DPYSL3: variants seen among roughly 807,000 people sequenced by gnomAD.
DPYSL3 encodes the protein dihydropyrimidinase-related protein 3.
A neutral mutation model predicts 66.1 loss-of-function variants in DPYSL3; 16 were observed. That is an observed-to-expected ratio of 0.24 (90% CI 0.16 to 0.37). The LOEUF is 0.37. Among genes scored for constraint, DPYSL3 ranks in the 10% least tolerant of loss-of-function variants. The pLI, the probability that DPYSL3 is intolerant of heterozygous loss-of-function variation, is 1.00. For synonymous variants in DPYSL3, 338 were observed against 345.1 expected, an observed-to-expected ratio of 0.98 and a Z score of 0.23; for missense variants, 738 against 916.2, an observed-to-expected ratio of 0.81 and a Z score of 2.51.
intron 1 of DPYSL3, among the ~76,000 whole-genome samples, chr5:147,450,971 A>T (rs1326130208): frequency 6.6e-6 from 1 of 152,212 alleles, no homozygotes; most frequent in Non-Finnish European, 1.5e-5. Flanking sequence ...TAGATCTTTA[A>T]TCATATTTGC....
chr5:147,494,454 A>G (rs904388200), intron 1 of DPYSL3, among the ~76,000 whole-genome samples: 3 of 152,060 alleles, frequency 2.0e-5, no homozygotes, highest in African/African-American at 7.2e-5. Context: ...CTTCAAAAAG[A>G]TCAATAAAAT....
chr5:147,500,259 T>C (rs1753582569), intron 1 of DPYSL3, among the ~76,000 whole-genome samples: 1 of 152,092 alleles, frequency 6.6e-6, no homozygotes, highest in Admixed American at 6.5e-5. Context: ...TGGGAGAAAA[T>C]ATTTGCAAAA....
chr5:147,508,279 A>C (rs772053735), intron 1 of DPYSL3, among the ~76,000 whole-genome samples: 1 of 152,196 alleles, frequency 6.6e-6, no homozygotes, highest in Non-Finnish European at 1.5e-5. Flanking sequence ...GGTTTGTCTA[A>C]ACTTTCAAAA....
chr5:147,459,458 CCAAA>C (rs1193674894), intron 1 of DPYSL3, among the ~76,000 whole-genome samples: 4 of 152,000 alleles, frequency 2.6e-5, no homozygotes, highest in Non-Finnish European at 1.5e-5. Context: ...TTACCTACAA[CCAAA>C]CAAAGGAAAT....
At chr5:147,457,011 C>T (rs1387884095) in intron 1 of DPYSL3, among the ~76,000 whole-genome samples, 1 of 151,818 alleles carries the variant, frequency 6.6e-6, no homozygotes, top group Non-Finnish European at 1.5e-5. Context: ...ACTGGGTTCT[C>T]TTCCTCACCA....
Position 147,401,716 on chromosome 5 carries a change from G to T in DPYSL3, c.1154-20C>A, listed in dbSNP as rs983705216. On this transcript the variant is annotated intron_variant, in intron 8 of 13. Transcript: ENST00000343218. ...CATTTCCTAGAAGGGGCAGGAAACA[G>T]ACAAGGGGTTAGCATAAAGTATATG... The T allele has an allele frequency of 6.2e-7, 1 of 1,613,710 alleles. No individual in the cohort carries two copies. The highest frequency in any genetic ancestry group is 8.5e-7 in the Non-Finnish European group (1 of 1,179,936).
intron 1 of DPYSL3, among the ~76,000 whole-genome samples, chr5:147,462,226 G>T (rs939287761): frequency 2.0e-5 from 3 of 152,098 alleles, no homozygotes; most frequent in South Asian, 2.1e-4. Flanking sequence ...CACAAAAGAA[G>T]ATCAAAAGCA....
Position 147,509,369 on chromosome 5 carries a change from C to T in DPYSL3, c.381+109G>A. 7.4e-7 allele frequency: 1 copy of T among 1,360,298 alleles called. No homozygotes were observed. The highest frequency in any genetic ancestry group is 9.7e-7 in the Non-Finnish European group (1 of 1,032,996). The allele number at this position is 1,360,298 out of a possible 1,614,324, so 84.3% of individuals were successfully genotyped here. A position where few individuals can be genotyped will look rare whatever the true frequency, so the allele number is the denominator to read the frequency against. ...AGGATGACCCTTTCCTCCTCCTTGT[C>T]CCCCAGCCCCGTGCAAAGTGAGCTG... On this transcript the variant is annotated intron_variant, in intron 1 of 13. Transcript: ENST00000343218. This position sits in a 1 kb window ranked among gnomAD's most constrained non-coding sequence, Gnocchi z 5.3.
At chr5:147,495,478 T>C (rs1488974620) in intron 1 of DPYSL3, among the ~76,000 whole-genome samples, 1 of 152,200 alleles carries the variant, frequency 6.6e-6, no homozygotes, top group Admixed American at 6.5e-5. Context: ...GCAGATGACA[T>C]GATTGTATAT....
Position 147,453,712 on chromosome 5 carries a change from C to A in DPYSL3, c.382-28749G>T, listed in dbSNP as rs183769961. 4.8e-3 allele frequency: 6,370 copies of A among 1,316,812 alleles called. 278 individuals are homozygous for A. The African/African-American group carries it at 0.087, about 18-fold the overall frequency. 81.6% of individuals were successfully genotyped at this position (1,316,812 alleles called of 1,614,324 possible). On this transcript the variant is annotated intron_variant, in intron 1 of 13. Transcript: ENST00000343218. ...GTGAATGGTGCGCTGGCCGCGCCGC[C>A]GCCTCCGCCCGCCTCCGCCCCCCTC...
chr5:147,478,848 G>T (rs779527430), intron 1 of DPYSL3, among the ~76,000 whole-genome samples: 1 of 152,130 alleles, frequency 6.6e-6, no homozygotes, highest in African/African-American at 2.4e-5. Flanking sequence ...ATACTGTACT[G>T]TAAGTGTGTC....
intron 1 of DPYSL3, among the ~76,000 whole-genome samples, chr5:147,464,356 G>A (rs547146979): frequency 5.9e-4 from 90 of 152,290 alleles, no homozygotes; most frequent in African/African-American, 1.9e-3. Flanking sequence ...CACTTCTGCG[G>A]TTCTGGGTTA....
intron 1 of DPYSL3, among the ~76,000 whole-genome samples, chr5:147,433,344 T>C (rs1383431678): frequency 1.3e-5 from 2 of 151,970 alleles, no homozygotes; most frequent in Admixed American, 6.6e-5. Flanking sequence ...GGGTCAGGTG[T>C]AGGAACAAAG....
rs1561769309 is a variant in DPYSL3 at position 147,395,649 on chromosome 5, C to A, written c.1876G>T (p.Gly626Cys). ...PVFDLTTTPK[G>C]GTPAGSARGS... ...CGAGCAGAGCCTGCGGGGGTGCCAC[C>A]TTTGGGGGTGGTGGTCAGGTCAAAC... The change falls in exon 13 of 14, where the codon GGT becomes TGT. Residue 626 changes from glycine to cysteine, a missense_variant. Coordinates refer to ENST00000343218, the MANE Select transcript of DPYSL3 (RefSeq NM_001197294.2). The A allele has an allele frequency of 3.7e-6, 6 of 1,614,120 alleles. No homozygotes were observed. Among genetic ancestry groups the A allele is most frequent in the East Asian group, 4.5e-5 (2 of 44,856 alleles).
At chr5:147,440,186 C>G (rs1752507050) in intron 1 of DPYSL3, among the ~76,000 whole-genome samples, 1 of 152,046 alleles carries the variant, frequency 6.6e-6, no homozygotes, top group Admixed American at 6.6e-5. Context: ...GCCTGTAGTC[C>G]CAGCTACTCG....
chr5:147,393,381 GGCATT>G lies in DPYSL3; in HGVS notation c.*649_*653del, dbSNP rs1283409307. On this transcript the variant is annotated 3_prime_UTR_variant, in exon 14 of 14. Transcript: ENST00000343218. ...CAGGTGGAAGAAATGGTTGGGTCTT[GGCATT>G]TTAATAAACGTTCAAAGAAACAAAA... The G allele has an allele frequency of 6.6e-6, 1 of 152,232 alleles. No homozygotes were observed. The highest frequency in any genetic ancestry group is 1.5e-5 in the Non-Finnish European group (1 of 68,116). 9.4% of individuals were successfully genotyped at this position (152,232 alleles called of 1,614,324 possible).
chr5:147,412,998 TGA>T (rs780762070), intron 5 of DPYSL3, among the ~76,000 whole-genome samples: 6 of 152,194 alleles, frequency 3.9e-5, no homozygotes, highest in Non-Finnish European at 7.3e-5. Context: ...CCCATTGAGC[TGA>T]GAGACAGTCT....
At chr5:147,481,436 G>C (rs554652719) in intron 1 of DPYSL3, among the ~76,000 whole-genome samples, 1 of 152,214 alleles carries the variant, frequency 6.6e-6, no homozygotes, top group Non-Finnish European at 1.5e-5. Context: ...AAGACAGGAG[G>C]TTCCTGGGTC....
At chr5:147,408,216 G>A (rs1751762718) in intron 7 of DPYSL3, among the ~76,000 whole-genome samples, 1 of 152,110 alleles carries the variant, frequency 6.6e-6, no homozygotes, top group South Asian at 2.1e-4. Context: ...CTGACATCTC[G>A]GAGACATGGA....
Sources: allele counts gnomAD v4.1 joint callset (sites outside exome capture counted in the v4.1 genomes callset), GRCh38; gene constraint gnomAD v4.1.1; non-coding constraint Gnocchi (gnomAD v3.1); transcripts MANE v1.5; gene names NCBI Gene and HGNC (gene_info 2026-07-23, HGNC 2026-07-21).